Variants in CLTCL1 observed in about 807,000 individuals in gnomAD.
The protein encoded by CLTCL1 is clathrin heavy chain like 1, also known as clathrin heavy chain 2.
Under a neutral mutation model 190.0 loss-of-function variants are expected in CLTCL1, and 159 were observed. The ratio of observed to expected loss-of-function variants is 0.84; its 90% CI spans 0.74 to 0.95. The LOEUF (loss-of-function observed/expected upper bound fraction) is 0.95, where lower values mean the gene tolerates loss of function less well. CLTCL1 is among the 40% of genes least tolerant of loss of function. CLTCL1 has a pLI of 0.00. For synonymous variants in CLTCL1, 752 were observed against 769.6 expected (o/e 0.98, Z 0.38); for missense variants, 1,878 against 2,033.4 (o/e 0.92, Z 1.47).
intron 1 of CLTCL1, among the ~76,000 whole-genome samples, chr22:19,278,754 G>A (rs2087602437): frequency 6.6e-6 from 1 of 152,102 alleles, no homozygotes; most frequent in Admixed American, 6.6e-5. Context: ...GTTTTGCTTT[G>A]TTTTTGAGAC....
chr22:19,233,671 C>A, intron 7 of CLTCL1, 49 bp from the exon 8 acceptor site: 1 of 1,555,872 alleles, frequency 6.4e-7, no homozygotes, highest in Non-Finnish European at 8.8e-7. Flanking sequence ...CACAGGGGAT[C>A]CCTTCACTCA....
At chr22:19,252,753 G>T (rs1330410653) in intron 3 of CLTCL1, among the ~76,000 whole-genome samples, 1 of 152,198 alleles carries the variant, frequency 6.6e-6, no homozygotes, top group Non-Finnish European at 1.5e-5. Context: ...GGTGGCTCAC[G>T]CCTGTAATCC....
chr22:19,183,473 C>CCATG lies in CLTCL1; in HGVS notation c.4740_4743dup (p.Val1582HisfsTer4). On this transcript the variant is annotated frameshift_variant, in exon 30 of 33. Coordinates refer to ENST00000427926, the MANE Select transcript of CLTCL1 (RefSeq NM_007098.4). LOFTEE classifies it high-confidence loss of function. ...TTGTGCCTCCAGGCCAGCTCAAGCA[C>CCATG]CATGTCTGGGCGAAGCAGGTCATAG... is the stretch of plus-strand genomic sequence containing the variant. 1 of 1,613,778 alleles carries CCATG rather than the reference C, an allele frequency of 6.2e-7. No individual in the cohort carries two copies. Among genetic ancestry groups the CCATG allele is most frequent in the Non-Finnish European group, 8.5e-7 (1 of 1,179,894 alleles).
rs1555955940 is a variant in CLTCL1 at position 19,226,261 on chromosome 22, G to A, written c.1905C>T (p.Asp635=). The A allele has an allele frequency of 6.2e-7, 1 of 1,614,012 alleles. No homozygotes were observed. Among genetic ancestry groups the A allele is most frequent in the Non-Finnish European group, 8.5e-7 (1 of 1,179,872 alleles). ...QALEHYTDLY[D]IKRAVVHTHL... is the part of the protein sequence containing the mutation. ...GAGTGTGGACCACAGCCCTCTTGAT[G>A]TCATAGAGGTCGGTGTAGTGCTCCA... The change falls in exon 12 of 33, where the codon GAC becomes GAT. Residue 635 remains aspartate, a synonymous_variant. Coordinates refer to ENST00000427926, the MANE Select transcript of CLTCL1 (RefSeq NM_007098.4).
chr22:19,202,609 G>A (rs1388204040), intron 22 of CLTCL1, among the ~76,000 whole-genome samples: 1 of 141,042 alleles, frequency 7.1e-6, no homozygotes, highest in Non-Finnish European at 1.5e-5. Context: ...CGTCATCCAT[G>A]GCATCTACTG....
chr22:19,188,964 C>A (rs564912337), intron 27 of CLTCL1, among the ~76,000 whole-genome samples: 1 of 151,742 alleles, frequency 6.6e-6, no homozygotes, highest in African/African-American at 2.4e-5. Flanking sequence ...AGTGCAGTGG[C>A]GCGATCTTGG....
At chr22:19,277,274 T>C (rs895763968) in intron 1 of CLTCL1, among the ~76,000 whole-genome samples, 15 of 152,192 alleles carry the variant, frequency 9.9e-5, no homozygotes, top group African/African-American at 3.4e-4. Context: ...CTCATCTTCC[T>C]GTTAACCCAC....
chr22:19,281,434 C>T (rs1219482168), intron 1 of CLTCL1, among the ~76,000 whole-genome samples: 1 of 151,782 alleles, frequency 6.6e-6, no homozygotes, highest in Non-Finnish European at 1.5e-5. Context: ...TATATTTTAC[C>T]ACAATTTTAA....
At chr22:19,256,341 C>T (rs1296161995) in intron 2 of CLTCL1, among the ~76,000 whole-genome samples, 7 of 135,650 alleles carry the variant, frequency 5.2e-5, no homozygotes, top group African/African-American at 1.3e-4. Flanking sequence ...TTTTTTTTTT[C>T]TTTTTCTTTT....
Position 19,291,651 on chromosome 22 carries a change from G to T in CLTCL1, c.-10C>A. On this transcript the variant is annotated 5_prime_UTR_variant, in exon 1 of 33. Transcript: ENST00000427926. ...GGAGGATCTGCGCCATGGCTGGTGC[G>T]GGACCTCGGCGGCGGCGGCGGCAGC... is the stretch of plus-strand genomic sequence containing the variant. The T allele has an allele frequency of 7.2e-7, 1 of 1,382,980 alleles. No individual in the cohort carries two copies. The allele number at this position is 1,382,980 out of a possible 1,614,324, so 85.7% of individuals were successfully genotyped here.
At position 19,229,868 on chromosome 22, in the gene CLTCL1, C is replaced by A; in HGVS notation, c.1752G>T (p.Leu584=). 1 of 1,611,430 alleles carries A rather than the reference C, an allele frequency of 6.2e-7. No individual in the cohort carries two copies. The highest frequency in any genetic ancestry group is 8.5e-7 in the Non-Finnish European group (1 of 1,178,990). ...RPAEGLLQTW[L]LEMNLVHAPQ... ...GTGCATGAACAAGGTTCATCTCCAA[C>A]AGCCATGTCTGCAGGAGTCCCTCAG... The change falls in exon 11 of 33, where the codon CTG becomes CTT. Residue 584 remains leucine, a synonymous_variant. Transcript: ENST00000427926.
At chr22:19,214,815 G>C (rs1222364315) in intron 19 of CLTCL1, among the ~76,000 whole-genome samples, 3 of 151,984 alleles carry the variant, frequency 2.0e-5, no homozygotes, top group Non-Finnish European at 4.4e-5. Flanking sequence ...CGAGTAGCTG[G>C]GATTACAGGC....
chr22:19,221,890 GAAACA>G (rs2085583166), intron 16 of CLTCL1, 56 bp downstream of exon 16: 1 of 1,576,648 alleles, frequency 6.3e-7, no homozygotes, highest in East Asian at 2.2e-5. Context: ...GAATTAGACA[GAAACA>G]ACAACAGACA....
At chr22:19,252,944 G>A (rs577141111) in intron 3 of CLTCL1, among the ~76,000 whole-genome samples, 4 of 150,634 alleles carry the variant, frequency 2.7e-5, no homozygotes, top group African/African-American at 7.3e-5. Flanking sequence ...AACCCAGGAG[G>A]CAGAGCTTGC....
chr22:19,228,379 C>G (rs1331001682), intron 11 of CLTCL1, among the ~76,000 whole-genome samples: 1 of 152,224 alleles, frequency 6.6e-6, no homozygotes, highest in Non-Finnish European at 1.5e-5. Context: ...CCTCACCCAA[C>G]TACTTGTTTC....
intron 26 of CLTCL1, among the ~76,000 whole-genome samples, chr22:19,193,812 G>A (rs1414199304): frequency 4.6e-5 from 7 of 152,138 alleles, no homozygotes; most frequent in African/African-American, 1.2e-4. Flanking sequence ...TGGTGGGTTC[G>A]TGATCTGGCT....
Position 19,275,780 on chromosome 22 carries a change from G to T in CLTCL1, c.93C>A (p.Thr31=). Residue 31 remains threonine (T), a synonymous_variant, in exon 2 of 33, where the codon ACC becomes ACA. Transcript: ENST00000427926. ...TACATATGAACTTGTCAGATTCCAT[G>T]GTCAGTGTGCTGAATCCAATGTTAG... ...NPANIGFSTL[T]MESDKFICIR... is the part of the protein sequence containing the mutation. The T allele has an allele frequency of 6.2e-7, 1 of 1,609,624 alleles. No individual in the cohort carries two copies.
Position 19,221,542 on chromosome 22 carries a change from AT to A in CLTCL1, c.2630del (p.Asn877MetfsTer18), listed in dbSNP as rs782432735. On this transcript the variant is annotated frameshift_variant, in exon 17 of 33. Transcript: ENST00000427926. LOFTEE classifies it high-confidence loss of function. ...QEGCEEPATHNALAKIYIDSN... is the reference protein window; with the variant it reads ...QEGCEEPATHXALAKIYIDSN... The stretch of plus-strand genomic sequence containing the variant: ...TGTCGATGTAGATTTTAGCCAGTGC[AT>A]TGTGAGTGGCAGGCTCCTCACAGCC... The A allele has an allele frequency of 1.2e-6, 2 of 1,606,190 alleles. No individual in the cohort carries two copies. The highest frequency in any genetic ancestry group is 1.7e-6 in the Non-Finnish European group (2 of 1,176,266).
At chr22:19,252,796 C>CCT in intron 3 of CLTCL1, among the ~76,000 whole-genome samples, 1 of 152,206 alleles carries the variant, frequency 6.6e-6, no homozygotes, top group Admixed American at 6.5e-5. Flanking sequence ...GGGCGGATCA[C>CCT]GAGGTCAGGA....
Sources: gnomAD v4.1 joint callset for allele counts (sites outside exome capture counted in the v4.1 genomes callset) on GRCh38, gnomAD v4.1.1 for gene constraint, MANE v1.5 for transcripts, NCBI Gene and HGNC (gene_info 2026-07-23, HGNC 2026-07-21) for gene names.